MAST2: variants seen among roughly 807,000 people sequenced by gnomAD.
The protein encoded by MAST2 is microtubule-associated serine/threonine-protein kinase 2.
In MAST2, 70 loss-of-function variants were observed where a neutral mutation model predicts 147.4. The ratio of observed to expected loss-of-function variants is 0.47; its 90% confidence interval spans 0.39 to 0.58. The LOEUF (loss-of-function observed/expected upper bound fraction) is 0.58, where lower values mean the gene tolerates loss of function less well. MAST2 is among the 20% of genes least tolerant of loss of function. The pLI is 0.00. For missense variants in MAST2, 2,080 were observed against 2,302.3 expected (o/e 0.90, Z 1.98); for synonymous variants, 869 against 896.8 (o/e 0.97, Z 0.55).
intron 4 of MAST2, among the ~76,000 whole-genome samples, chr1:45,951,992 A>G (rs1049595396): frequency 2.0e-5 from 3 of 152,250 alleles, no homozygotes; most frequent in African/African-American, 7.2e-5. Flanking sequence ...GATACATTGC[A>G]GTACTGCAGA....
chr1:45,991,212 G>C (rs553713389), intron 5 of MAST2, among the ~76,000 whole-genome samples: 1 of 152,188 alleles, frequency 6.6e-6, no homozygotes, highest in South Asian at 2.1e-4. Flanking sequence ...ATTTGTATGG[G>C]TCTGTTTGTG....
intron 4 of MAST2, among the ~76,000 whole-genome samples, chr1:45,898,317 T>G (rs1005852130): frequency 6.6e-6 from 1 of 152,094 alleles, no homozygotes; most frequent in Non-Finnish European, 1.5e-5. Flanking sequence ...AAGCCAGCCC[T>G]TCATGCTTTT....
intron 3 of MAST2, chr1:45,847,428 T>C: frequency 3.6e-6 from 2 of 560,208 alleles, no homozygotes; most frequent in Non-Finnish European, 6.8e-6. Context: ...GGGATCAAGA[T>C]GATTTTGAAA....
At chr1:45,871,451 G>T (rs1646390538) in intron 3 of MAST2, among the ~76,000 whole-genome samples, 1 of 152,098 alleles carries the variant, frequency 6.6e-6, no homozygotes, top group African/African-American at 2.4e-5. Context: ...GTAACCAGAG[G>T]TGACCCAGTT....
intron 4 of MAST2, among the ~76,000 whole-genome samples, chr1:45,892,117 A>G (rs897184589): frequency 6.6e-6 from 1 of 152,216 alleles, no homozygotes; most frequent in Non-Finnish European, 1.5e-5. Flanking sequence ...CATGATTCTC[A>G]AATGTGACCT....
chr1:45,826,209 C>T (rs927312373), intron 2 of MAST2, among the ~76,000 whole-genome samples: 7 of 152,280 alleles, frequency 4.6e-5, no homozygotes, highest in East Asian at 1.9e-4. Flanking sequence ...GCATGGCTGC[C>T]GGGTACATTG....
At chr1:45,970,166 A>G (rs1216576915) in intron 5 of MAST2, among the ~76,000 whole-genome samples, 1 of 152,190 alleles carries the variant, frequency 6.6e-6, no homozygotes, top group African/African-American at 2.4e-5. Flanking sequence ...TGCTGGAATC[A>G]TGAGATTTTC....
At chr1:46,027,930 G>A (rs559919472) in intron 17 of MAST2, 67 bp downstream of exon 17, 231 of 1,582,842 alleles carry the variant, frequency 1.5e-4, no homozygotes, top group African/African-American at 4.8e-4. Flanking sequence ...AGTGTCTTAC[G>A]CCCGTAATCC....
chr1:45,948,345 G>T (rs890400700), intron 4 of MAST2, among the ~76,000 whole-genome samples: 1 of 152,174 alleles, frequency 6.6e-6, no homozygotes, highest in Non-Finnish European at 1.5e-5. Flanking sequence ...GCAATTTATA[G>T]ATTGAATGCT....
chr1:45,820,862 A>C (rs1644600943), intron 1 of MAST2, among the ~76,000 whole-genome samples: 1 of 144,302 alleles, frequency 6.9e-6, no homozygotes, highest in African/African-American at 2.5e-5. Context: ...TTAATCTGAA[A>C]ATGCCTCGAT....
chr1:45,897,199 G>T (rs901959235), intron 4 of MAST2, among the ~76,000 whole-genome samples: 3 of 152,136 alleles, frequency 2.0e-5, no homozygotes, highest in African/African-American at 4.8e-5. Context: ...TACAAGTCTA[G>T]GAGTAGGTCT....
chr1:45,823,245 T>TG (rs1055655459), intron 1 of MAST2, among the ~76,000 whole-genome samples: 3 of 152,056 alleles, frequency 2.0e-5, no homozygotes, highest in Non-Finnish European at 4.4e-5. Context: ...AATTTCCTCC[T>TG]TTTTTGCCCC....
At position 46,034,885 on chromosome 1, in the gene MAST2, C is replaced by T; in HGVS notation, c.4216C>T (p.Gln1406Ter). Residue 1406 changes from glutamine (Q) to a stop codon, truncating the protein, a stop_gained, in exon 29 of 29, where the codon CAG becomes TAG. Transcript: ENST00000361297. LOFTEE classifies it low-confidence loss of function (END_TRUNC). ...CCGTTCACCACTACTCAAGAGGGTGCAGTCGGCTGAGAAACTGGCAGCAGC... is the reference window on the plus strand; with the variant it reads ...CCGTTCACCACTACTCAAGAGGGTGTAGTCGGCTGAGAAACTGGCAGCAGC... The part of the protein sequence containing the change: ...PPRSPLLKRV[Q>*]SAEKLAAALA... 6.2e-7 allele frequency: 1 copy of T among 1,614,228 alleles called. No individual in the cohort carries two copies. Among genetic ancestry groups the T allele is most frequent in the Non-Finnish European group, 8.5e-7 (1 of 1,180,036 alleles).
intron 3 of MAST2, among the ~76,000 whole-genome samples, chr1:45,830,783 GA>G (rs1644931907): frequency 6.6e-6 from 1 of 152,030 alleles, no homozygotes. Flanking sequence ...TGCACTCTGA[GA>G]GTCTGAGGCA....
chr1:45,854,991 A>C (rs185706720), intron 3 of MAST2, among the ~76,000 whole-genome samples: 1 of 152,186 alleles, frequency 6.6e-6, no homozygotes, highest in Non-Finnish European at 1.5e-5. Context: ...TGGGCTCACT[A>C]TCCTCCAGGT....
At chr1:45,967,329 C>CA (rs1457035580) in intron 5 of MAST2, among the ~76,000 whole-genome samples, 1 of 152,096 alleles carries the variant, frequency 6.6e-6, no homozygotes, top group Non-Finnish European at 1.5e-5. Flanking sequence ...CTCAGCCTAC[C>CA]AAAGTGCTAG....
chr1:45,837,272 T>A (rs767849692), intron 3 of MAST2, among the ~76,000 whole-genome samples: 36 of 152,272 alleles, frequency 2.4e-4, no homozygotes, highest in Non-Finnish European at 4.8e-4. Flanking sequence ...CTTTGCTGTC[T>A]GTTCTCTCTC....
intron 3 of MAST2, among the ~76,000 whole-genome samples, chr1:45,881,711 T>A (rs1299728102): frequency 6.6e-6 from 1 of 152,152 alleles, no homozygotes; most frequent in Non-Finnish European, 1.5e-5. Context: ...TTGCCACTAA[T>A]GCCCTTTACA....
chr1:45,847,916 T>C (rs960367390), intron 3 of MAST2, among the ~76,000 whole-genome samples: 2 of 152,176 alleles, frequency 1.3e-5, no homozygotes, highest in African/African-American at 4.8e-5. Flanking sequence ...TGAGCAAAGA[T>C]TGAAAAGCAG....
Sources: allele counts gnomAD v4.1 joint callset (sites outside exome capture counted in the v4.1 genomes callset), GRCh38; gene constraint gnomAD v4.1.1; transcripts MANE v1.5; gene names NCBI Gene and HGNC (gene_info 2026-07-23, HGNC 2026-07-21).